IL17RD: variants seen among roughly 807,000 people sequenced by gnomAD.
IL17RD encodes interleukin-17 receptor D.
In IL17RD, 52 loss-of-function variants were observed where a neutral mutation model predicts 80.5. That is an observed-to-expected ratio of 0.65 (90% CI 0.52 to 0.81). The LOEUF is 0.81. Among genes scored for constraint, IL17RD ranks in the 40% least tolerant of loss-of-function variants. IL17RD has a pLI of 0.00. For synonymous variants in IL17RD, 416 were observed against 391.8 expected, an observed-to-expected ratio of 1.06 and a Z score of -0.73; for missense variants, 1,024 against 955.1, an observed-to-expected ratio of 1.07 and a Z score of -0.95.
Position 57,094,446 on chromosome 3 carries a change from A to T in IL17RD, c.*1947T>A, listed in dbSNP as rs1706624870. 6.6e-6 allele frequency: 1 copy of T among 152,128 alleles called. No homozygotes were observed. The highest frequency in any genetic ancestry group is 2.4e-5 in the African/African-American group (1 of 41,408). The allele number at this position is 152,128 out of a possible 1,614,324, so 9.4% of individuals were successfully genotyped here. On this transcript the variant is annotated 3_prime_UTR_variant, in exon 13 of 13. Coordinates refer to ENST00000296318, the MANE Select transcript of IL17RD (RefSeq NM_017563.5). ...TTCTTAAGGAGTGAGTTCACATAGC[A>T]AGCTCTCTGCCCACACACCCTTGGA...
chr3:57,111,721 A>G (rs995935533), intron 3 of IL17RD, among the ~76,000 whole-genome samples: 2 of 152,114 alleles, frequency 1.3e-5, no homozygotes, highest in Non-Finnish European at 2.9e-5. Flanking sequence ...CTGTAATCCC[A>G]GCACTTTGGA....
intron 3 of IL17RD, among the ~76,000 whole-genome samples, chr3:57,111,472 C>T (rs1707095943): frequency 6.6e-6 from 1 of 152,142 alleles, no homozygotes; most frequent in Admixed American, 6.5e-5. Context: ...ACCAGAGATT[C>T]AGACAAGGTG....
At chr3:57,137,854 A>ATGC (rs768371775) in intron 1 of IL17RD, among the ~76,000 whole-genome samples, 9 of 152,224 alleles carry the variant, frequency 5.9e-5, no homozygotes, top group Non-Finnish European at 8.8e-5. Flanking sequence ...AACCAGTGTC[A>ATGC]TGCTTCCAAA....
chr3:57,092,855 T>C lies in IL17RD; in HGVS notation c.*3538A>G. 1 of 152,176 alleles carries C rather than the reference T, an allele frequency of 6.6e-6. No individual in the cohort carries two copies. Among genetic ancestry groups the C allele is most frequent in the East Asian group, 1.9e-4 (1 of 5,192 alleles). The allele number at this position is 152,176 out of a possible 1,614,324, so 9.4% of individuals were successfully genotyped here. A position where few individuals can be genotyped will look rare whatever the true frequency, so the allele number is the denominator to read the frequency against. On this transcript the variant is annotated 3_prime_UTR_variant, in exon 13 of 13. Coordinates refer to ENST00000296318, the MANE Select transcript of IL17RD (RefSeq NM_017563.5). The stretch of plus-strand genomic sequence containing the variant: ...TTACCATGAATGCCTTTCCTTCAAA[T>C]CTTATAAAGCACAGGTTAACAAACT...
At chr3:57,153,398 A>C (rs1271589913) in intron 1 of IL17RD, among the ~76,000 whole-genome samples, 3 of 152,248 alleles carry the variant, frequency 2.0e-5, no homozygotes, top group Non-Finnish European at 4.4e-5. Context: ...TTCATGAGGA[A>C]ACAATCAAAA....
chr3:57,101,143 T>C (rs368137961), intron 11 of IL17RD, 36 bp downstream of exon 11: 2 of 1,584,198 alleles, frequency 1.3e-6, no homozygotes, highest in African/African-American at 1.3e-5. Context: ...GCAAGTGTCC[T>C]GGCCAGGGTA....
upstream of IL17RD, chr3:57,165,363 C>T: frequency 8.8e-7 from 1 of 1,140,470 alleles, no homozygotes; most frequent in Non-Finnish European, 1.1e-6. Context: ...TGGGCGGTGG[C>T]CGCGGCGGCC....
upstream of IL17RD, among the ~76,000 whole-genome samples, chr3:57,168,125 C>T (rs1209761520): frequency 6.6e-6 from 1 of 152,234 alleles, no homozygotes. Context: ...AGCCACCACT[C>T]CTGGCCCATT....
intron 3 of IL17RD, among the ~76,000 whole-genome samples, chr3:57,112,747 G>T (rs953644464): frequency 6.6e-6 from 1 of 152,200 alleles, no homozygotes; most frequent in Admixed American, 6.5e-5. Flanking sequence ...CGGCCCATGG[G>T]TCTGCTTTAT....
chr3:57,155,375 C>T (rs1270738285), intron 1 of IL17RD, among the ~76,000 whole-genome samples: 1 of 152,248 alleles, frequency 6.6e-6, no homozygotes, highest in African/African-American at 2.4e-5. Context: ...CCTCAAGCAA[C>T]AGACACTCGG....
At chr3:57,102,625 G>T in intron 9 of IL17RD, 36 bp from the exon 10 acceptor site, 1 of 1,139,756 alleles carries the variant, frequency 8.8e-7, no homozygotes, top group Non-Finnish European at 1.3e-6. Flanking sequence ...TTAAACTTAA[G>T]CAGTGTAAAG....
In IL17RD at chr3:57,110,372, T is replaced by G. The variant is rs573289432; in HGVS notation, c.311-61A>C. 4 of 1,517,796 alleles carry G rather than the reference T, an allele frequency of 2.6e-6. No individual in the cohort carries two copies. The African/African-American group carries it at 5.5e-5, about 21-fold the overall frequency. 94.0% of individuals were successfully genotyped at this position (1,517,796 alleles called of 1,614,324 possible). A position where few individuals can be genotyped will look rare whatever the true frequency, so the allele number is the denominator to read the frequency against. ...CTAATTACTTCTGAACACACTCTTCTTCCTCCAAGATTACCATCTTCTCTA... is the reference window on the plus strand; with the variant it reads ...CTAATTACTTCTGAACACACTCTTCGTCCTCCAAGATTACCATCTTCTCTA... On this transcript the variant is annotated intron_variant, in intron 3 of 12. Transcript: ENST00000296318.
intron 1 of IL17RD, among the ~76,000 whole-genome samples, chr3:57,159,405 C>A (rs936554917): frequency 2.6e-5 from 4 of 152,138 alleles, no homozygotes; most frequent in Non-Finnish European, 4.4e-5. Context: ...AGAGGAAATA[C>A]CAAGGCATTT....
chr3:57,134,514 G>A, intron 1 of IL17RD: 1 of 1,297,598 alleles, frequency 7.7e-7, no homozygotes, highest in Non-Finnish European at 1.1e-6. Flanking sequence ...GTACCTGAAG[G>A]TGAAGGGGAA....
At chr3:57,120,446 C>T (rs1707309898) in intron 1 of IL17RD, 133 bp from the exon 2 acceptor site, 4 of 668,198 alleles carry the variant, frequency 6.0e-6, no homozygotes, top group South Asian at 5.2e-5. Flanking sequence ...TCATCCACCA[C>T]TCTTTCTGCC....
chr3:57,148,583 T>G (rs993631339), intron 1 of IL17RD, among the ~76,000 whole-genome samples: 22 of 152,194 alleles, frequency 1.4e-4, no homozygotes, highest in Non-Finnish European at 2.6e-4. Context: ...TGAATCTCAT[T>G]CTTTTATAAC....
Position 57,106,109 on chromosome 3 carries a change from C to A in IL17RD, c.595+1G>T, listed in dbSNP as rs375595889. On this transcript the variant is annotated splice_donor_variant, in intron 6 of 12. Transcript: ENST00000296318. LOFTEE classifies it high-confidence loss of function. ...TGATAGATAAGAACACTATTACTTA[C>A]AGGGTTTACAAGCTAGATTGTCCGG... 1.2e-6 allele frequency: 2 copies of A among 1,611,840 alleles called. No individual in the cohort carries two copies. Among genetic ancestry groups the A allele is most frequent in the South Asian group, 1.1e-5 (1 of 90,958 alleles).
At chr3:57,167,198 A>T (rs1201938797), upstream of IL17RD, among the ~76,000 whole-genome samples, 2 of 146,840 alleles carry the variant, frequency 1.4e-5, no homozygotes, top group Non-Finnish European at 3.0e-5. Context: ...GCTGGGCAGA[A>T]TTTTTTTTTT....
At chr3:57,123,310 T>C (rs890966199) in intron 1 of IL17RD, among the ~76,000 whole-genome samples, 3 of 152,340 alleles carry the variant, frequency 2.0e-5, no homozygotes, top group East Asian at 3.9e-4. Flanking sequence ...CTCCCCTGCT[T>C]TGAGCCCTTC....
Sources: gnomAD v4.1 joint callset for allele counts (sites outside exome capture counted in the v4.1 genomes callset) on GRCh38, gnomAD v4.1.1 for gene constraint, MANE v1.5 for transcripts, NCBI Gene and HGNC (gene_info 2026-07-23, HGNC 2026-07-21) for gene names.